POR: variants seen among roughly 807,000 people sequenced by gnomAD.
POR encodes cytochrome p450 oxidoreductase.
In POR, 56 loss-of-function variants were observed where a neutral mutation model predicts 84.0. The ratio of observed to expected loss-of-function variants is 0.67; its 90% CI spans 0.54 to 0.83. The LOEUF (loss-of-function observed/expected upper bound fraction) is 0.83, where lower values mean the gene tolerates loss of function less well. POR is among the 40% of genes least tolerant of loss of function. The pLI is 0.00. For synonymous variants in POR, 414 were observed against 400.5 expected (o/e 1.03, Z -0.40); for missense variants, 938 against 944.3 (o/e 0.99, Z 0.09).
At chr7:75,981,409 C>G in intron 6 of POR, 108 bp from the exon 7 acceptor site, 1 of 1,253,132 alleles carries the variant, frequency 8.0e-7, no homozygotes, top group Non-Finnish European at 1.1e-6. Flanking sequence ...CCAGGGTGCA[C>G]AGTCCTGAGC....
chr7:75,983,953 C>A, intron 10 of POR, 97 bp downstream of exon 10: 1 of 976,014 alleles, frequency 1.0e-6, no homozygotes, highest in Non-Finnish European at 1.5e-6. Flanking sequence ...AGGCCTGAAG[C>A]CCCGGTGCCT....
chr7:75,922,840 CAGTCAA>C, intron 1 of POR: 1 of 547,102 alleles, frequency 1.8e-6, no homozygotes, highest in South Asian at 1.9e-5. Context: ...CAAAGCCACC[CAGTCAA>C]AGTAGGCACT....
chr7:75,923,487 G>T, intron 1 of POR: 1 of 502,856 alleles, frequency 2.0e-6, no homozygotes. Flanking sequence ...TCAATGAACT[G>T]GAAGCTTGTG....
intron 2 of POR, among the ~76,000 whole-genome samples, chr7:75,961,471 C>T (rs1787938775): frequency 6.6e-6 from 1 of 152,130 alleles, no homozygotes; most frequent in South Asian, 2.1e-4. Flanking sequence ...CCCCCTGCAC[C>T]TGTGCTTTGC....
rs949835719 is a variant in POR at position 75,954,137 on chromosome 7, A to G, written c.145A>G (p.Lys49Glu). ...CCTAACCTACTGGTTCCTCTTCAGAAAGAAAAAAGAAGAAGTCCCCGAGTT... is the reference window on the plus strand; with the variant it reads ...CCTAACCTACTGGTTCCTCTTCAGAGAGAAAAAAGAAGAAGTCCCCGAGTT... Residue 49 changes from lysine (K) to glutamate (E), a missense_variant, in exon 2 of 16, where the codon AAG (lysine) becomes GAG (glutamate). By Grantham distance (56) the Lys-to-Glu change is moderately conservative (BLOSUM62 1). Coordinates refer to ENST00000461988, the MANE Select transcript of POR (RefSeq NM_000941.3). The G allele has an allele frequency of 3.7e-6, 6 of 1,612,696 alleles. No homozygotes were observed. The highest frequency in any genetic ancestry group is 5.1e-6 in the Non-Finnish European group (6 of 1,179,396).
At chr7:75,949,187 C>A (rs1274337900) in intron 1 of POR, among the ~76,000 whole-genome samples, 2 of 151,954 alleles carry the variant, frequency 1.3e-5, no homozygotes, top group African/African-American at 4.8e-5. Context: ...CGGAGTCTCA[C>A]TCTGTCACCC....
At chr7:75,960,142 T>C (rs1169948772) in intron 2 of POR, among the ~76,000 whole-genome samples, 2 of 151,838 alleles carry the variant, frequency 1.3e-5, no homozygotes, top group African/African-American at 4.8e-5. Context: ...AATACAAAAA[T>C]TAGCCAGGCA....
At chr7:75,959,260 C>T (rs1366559474) in intron 2 of POR, among the ~76,000 whole-genome samples, 1 of 152,144 alleles carries the variant, frequency 6.6e-6, no homozygotes, top group Non-Finnish European at 1.5e-5. Context: ...CTGATACAAC[C>T]AGGCCTCAAG....
At chr7:75,964,391 T>C (rs575929209) in intron 2 of POR, among the ~76,000 whole-genome samples, 37 of 152,220 alleles carry the variant, frequency 2.4e-4, no homozygotes, top group African/African-American at 8.9e-4. Flanking sequence ...CACTGCCACC[T>C]CCGCCTCCCG....
At chr7:75,971,957 G>T (rs148032425) in intron 2 of POR, among the ~76,000 whole-genome samples, 1 of 152,096 alleles carries the variant, frequency 6.6e-6, no homozygotes, top group Non-Finnish European at 1.5e-5. Flanking sequence ...GTTGAAGAGC[G>T]GAGCAGGGAA....
intron 1 of POR, among the ~76,000 whole-genome samples, chr7:75,921,408 C>T (rs550864554): frequency 1.3e-5 from 2 of 151,822 alleles, no homozygotes; most frequent in African/African-American, 2.4e-5. Context: ...ATTATAGGTG[C>T]GCGGCACCGC....
intron 1 of POR, among the ~76,000 whole-genome samples, chr7:75,931,694 C>T (rs1257253805): frequency 1.3e-5 from 2 of 152,050 alleles, no homozygotes; most frequent in African/African-American, 4.8e-5. Context: ...AGCCGTGACT[C>T]TATTTTCCCT....
chr7:75,985,341 A>T, intron 12 of POR, 134 bp downstream of exon 12: 1 of 1,241,706 alleles, frequency 8.1e-7, no homozygotes, highest in Admixed American at 2.8e-5. Flanking sequence ...GCAGCTCCAA[A>T]TGCCTCCCCA....
At chr7:75,972,224 C>T (rs782216861) in intron 2 of POR, among the ~76,000 whole-genome samples, 189 bp from the exon 3 acceptor site, 1 of 152,014 alleles carries the variant, frequency 6.6e-6, no homozygotes, top group African/African-American at 2.4e-5. Context: ...GCCTGGGAGC[C>T]CTGGTGTTGG....
chr7:75,939,046 C>G (rs1356898553), intron 1 of POR, among the ~76,000 whole-genome samples: 6 of 152,164 alleles, frequency 3.9e-5, no homozygotes, highest in Non-Finnish European at 5.9e-5. Context: ...CCTGGCCTCC[C>G]CATGCAGCCG....
At chr7:75,985,381 A>G in intron 12 of POR, 174 bp downstream of exon 12, 2 of 1,138,248 alleles carry the variant, frequency 1.8e-6, no homozygotes, top group Admixed American at 5.8e-5. Context: ...CTGGCTTGTG[A>G]GATTCTCAGC....
chr7:75,979,259 C>A (rs1563428851), intron 3 of POR, among the ~76,000 whole-genome samples, 192 bp from the exon 4 acceptor site: 1 of 152,188 alleles, frequency 6.6e-6, no homozygotes, highest in African/African-American at 2.4e-5. Flanking sequence ...CCTTGGTGAC[C>A]TTTGCCCTCC....
chr7:75,940,803 A>G (rs1563407389), intron 1 of POR, among the ~76,000 whole-genome samples: 1 of 151,844 alleles, frequency 6.6e-6, no homozygotes, highest in Non-Finnish European at 1.5e-5. Flanking sequence ...AAAAGAAAAA[A>G]CGTAGGCACT....
At chr7:75,965,303 A>G (rs2116489168) in intron 2 of POR, among the ~76,000 whole-genome samples, 1 of 131,610 alleles carries the variant, frequency 7.6e-6, no homozygotes, top group South Asian at 2.3e-4. Context: ...GCTTTTGAAA[A>G]CATAATTCTG....
Sources: allele counts gnomAD v4.1 joint callset (sites outside exome capture counted in the v4.1 genomes callset), GRCh38; gene constraint gnomAD v4.1.1; transcripts MANE v1.5; gene names NCBI Gene and HGNC (gene_info 2026-07-23, HGNC 2026-07-21).